NRG1: variants seen among roughly 807,000 people sequenced by gnomAD.
The protein encoded by NRG1 is pro-neuregulin-1, membrane-bound isoform.
A neutral mutation model predicts 63.8 loss-of-function variants in NRG1; 18 were observed. The observed-to-expected ratio is 0.28, with a 90% CI of 0.19 to 0.42. The LOEUF (loss-of-function observed/expected upper bound fraction) is 0.42. Among genes scored for constraint, NRG1 ranks in the 10% least tolerant of loss-of-function variants. NRG1 has a pLI of 1.00. For missense variants in NRG1, 762 were observed against 814.7 expected, an observed-to-expected ratio of 0.94 and a Z score of 0.79; for synonymous variants, 302 against 301.3, an observed-to-expected ratio of 1.00 and a Z score of -0.02.
intron 1 of NRG1, among the ~76,000 whole-genome samples, chr8:32,326,254 G>T (rs1399488428): frequency 6.7e-6 from 1 of 149,300 alleles, no homozygotes; most frequent in African/African-American, 2.5e-5. Context: ...GTGATCTGCC[G>T]ACCTTGGTCT....
chr8:31,973,598 G>A (rs1212059341), intron 1 of NRG1, among the ~76,000 whole-genome samples: 1 of 152,168 alleles, frequency 6.6e-6, no homozygotes, highest in East Asian at 1.9e-4. Flanking sequence ...GCTCTTGCTA[G>A]CCCCCAAGTC....
rs936820152 is a variant in NRG1 at position 32,626,685 on chromosome 8, G to GA, written c.502+9811dup. ...ACAGAGCAAGACTCATCTCAAAAAA[G>GA]AAAAAAAAAAATAGAGAAGCCATTT... On this transcript the variant is annotated intron_variant, in intron 5 of 11. Transcript: ENST00000356819. 1.1e-3 allele frequency among the ~76,000 whole-genome samples: 146 copies of GA among 134,932 alleles called. 1 individual carries two copies. The highest frequency in any genetic ancestry group is 3.0e-3 in the African/African-American group (110 of 36,594). 88.5% of individuals were successfully genotyped at this position (134,932 alleles called of 152,430 possible).
At chr8:32,006,007 G>C (rs1257575002) in intron 1 of NRG1, among the ~76,000 whole-genome samples, 2 of 151,956 alleles carry the variant, frequency 1.3e-5, no homozygotes, top group Non-Finnish European at 2.9e-5. Context: ...ACCTAAGCCT[G>C]GATGTTTGTC....
intron 1 of NRG1, among the ~76,000 whole-genome samples, chr8:32,107,253 A>G (rs1831408500): frequency 6.6e-6 from 1 of 152,106 alleles, no homozygotes; most frequent in South Asian, 2.1e-4. Flanking sequence ...ATCGGAGAAA[A>G]CAATTGGGAT....
intron 1 of NRG1, among the ~76,000 whole-genome samples, chr8:31,820,118 A>G (rs1050305898): frequency 4.6e-5 from 7 of 152,212 alleles, no homozygotes; most frequent in Non-Finnish European, 1.0e-4. Flanking sequence ...GGGAATAGAT[A>G]TCTCTAGATC....
At chr8:31,862,702 A>G (rs1310968759) in intron 1 of NRG1, among the ~76,000 whole-genome samples, 1 of 152,218 alleles carries the variant, frequency 6.6e-6, no homozygotes, top group Non-Finnish European at 1.5e-5. Context: ...TAAATATGCT[A>G]AGAGAATGAC....
At chr8:32,718,038 A>G (rs1008441721) in intron 5 of NRG1, among the ~76,000 whole-genome samples, 4 of 152,190 alleles carry the variant, frequency 2.6e-5, no homozygotes, top group African/African-American at 4.8e-5. Flanking sequence ...TTTCAAGCCA[A>G]CTATGGTATT....
intron 5 of NRG1, among the ~76,000 whole-genome samples, chr8:32,652,930 A>G (rs903814702): frequency 1.1e-4 from 16 of 152,186 alleles, no homozygotes; most frequent in Admixed American, 7.2e-4. Flanking sequence ...TTATAGATTG[A>G]AAAACCAAAG....
chr8:32,348,858 G>A (rs9297189), intron 1 of NRG1, among the ~76,000 whole-genome samples: 78,633 of 151,946 alleles, frequency 0.52, 21,258 homozygotes, highest in Non-Finnish European at 0.61. Context: ...TTTTCTGAAG[G>A]TGATTCATAT....
chr8:31,785,937 A>G (rs909017985), intron 1 of NRG1, among the ~76,000 whole-genome samples: 72 of 152,212 alleles, frequency 4.7e-4, no homozygotes, highest in African/African-American at 1.7e-3. Flanking sequence ...AGAACTAGGT[A>G]TGGAGCTAAT....
At chr8:32,198,050 G>A (rs980775481) in intron 1 of NRG1, among the ~76,000 whole-genome samples, 2 of 152,236 alleles carry the variant, frequency 1.3e-5, no homozygotes, top group African/African-American at 2.4e-5. Context: ...AATATTGCAT[G>A]AGGATTTGGG....
chr8:32,388,138 T>A (rs562595497), intron 1 of NRG1, among the ~76,000 whole-genome samples: 3 of 152,204 alleles, frequency 2.0e-5, no homozygotes, highest in Admixed American at 6.5e-5. Flanking sequence ...TTCCTTTTGA[T>A]GTCTTTGTCA....
intron 1 of NRG1, among the ~76,000 whole-genome samples, chr8:31,803,060 A>G (rs955758980): frequency 1.3e-5 from 2 of 152,212 alleles, no homozygotes; most frequent in Admixed American, 6.5e-5. Context: ...GAGAGCGTTC[A>G]TGAGTGCCAT....
In NRG1 at chr8:32,369,312, T is replaced by G. The variant is rs57313204; in HGVS notation, c.38-226516T>G. Among the ~76,000 whole-genome samples the G allele has an allele frequency of 3.8e-3, 580 of 152,364 alleles. 3 individuals carry two copies. Among genetic ancestry groups the G allele is most frequent in the African/African-American group, 0.013 (545 of 41,590 alleles). ...CAGTGTGGGGGAGTCAGGACCCAGA[T>G]GGGAAAGAAAGCATCTTGCCACACT... On this transcript the variant is annotated intron_variant, in intron 1 of 10. Transcript: ENST00000519301.
intron 1 of NRG1, among the ~76,000 whole-genome samples, chr8:31,997,948 CAAATCTGG>C (rs1812284637): frequency 6.6e-6 from 1 of 152,000 alleles, no homozygotes; most frequent in South Asian, 2.1e-4. Flanking sequence ...AAGTAAGTCT[CAAATCTGG>C]ACAGTCTATC....
intron 1 of NRG1, among the ~76,000 whole-genome samples, chr8:32,368,883 T>C (rs1369928556): frequency 1.3e-5 from 2 of 152,244 alleles, no homozygotes; most frequent in Non-Finnish European, 2.9e-5. Flanking sequence ...TAAATCACCG[T>C]AACACTGCAC....
chr8:32,087,529 T>C (rs1007118975), intron 1 of NRG1, among the ~76,000 whole-genome samples: 1 of 122,226 alleles, frequency 8.2e-6, no homozygotes, highest in African/African-American at 2.9e-5. Context: ...TCACTCAGGC[T>C]GGAGTGGAGT....
intron 1 of NRG1, among the ~76,000 whole-genome samples, chr8:32,105,535 A>G (rs1831155525): frequency 1.3e-5 from 2 of 152,172 alleles, no homozygotes; most frequent in Admixed American, 6.5e-5. Flanking sequence ...GTCTCCCACA[A>G]CACATGGGAA....
At chr8:32,019,384 C>T (rs1256929506) in intron 1 of NRG1, among the ~76,000 whole-genome samples, 1 of 152,240 alleles carries the variant, frequency 6.6e-6, no homozygotes, top group Non-Finnish European at 1.5e-5. Context: ...AGGCATGAGC[C>T]AGCGTGCCTG....
Sources: gnomAD v4.1 joint callset for allele counts (sites outside exome capture counted in the v4.1 genomes callset) on GRCh38, gnomAD v4.1.1 for gene constraint, MANE v1.5 for transcripts, NCBI Gene and HGNC (gene_info 2026-07-23, HGNC 2026-07-21) for gene names.